The following PCDHGA4 variants were observed in gnomAD, a reference collection of about 807,000 sequenced individuals.
PCDHGA4 encodes protocadherin gamma subfamily A, 4.
A neutral mutation model predicts 54.6 loss-of-function variants in PCDHGA4; 38 were observed. The ratio of observed to expected loss-of-function variants is 0.70; its 90% CI spans 0.54 to 0.91. The LOEUF is 0.91. PCDHGA4 is among the 40% of genes least tolerant of loss of function. PCDHGA4 has a pLI of 0.00. For synonymous variants in PCDHGA4, 511 were observed against 512.9 expected, an observed-to-expected ratio of 1.00 and a Z score of 0.05; for missense variants, 1,298 against 1,220.9, an observed-to-expected ratio of 1.06 and a Z score of -0.94.
chr5:141,485,663 A>G lies in PCDHGA4; in HGVS notation c.2515-9144A>G, dbSNP rs1594506698. ...AAAGGCTCAGGATGCAGATGTGGGG[A>G]GCAATTCGATTAGCAGCTATAGGCT... On this transcript the variant is annotated intron_variant, in intron 1 of 3. Transcript: ENST00000571252. The surrounding 1 kb of genome is among the most constrained non-coding windows in gnomAD (Gnocchi z 5.7). The G allele has an allele frequency of 1.2e-6, 2 of 1,612,638 alleles. No homozygotes were observed. Among genetic ancestry groups the G allele is most frequent in the East Asian group, 4.5e-5 (2 of 44,840 alleles).
intron 1 of PCDHGA4, among the ~76,000 whole-genome samples, chr5:141,451,854 C>T (rs1243479409): frequency 6.6e-6 from 1 of 152,058 alleles, no homozygotes; most frequent in Non-Finnish European, 1.5e-5. Flanking sequence ...CCACTCCAGC[C>T]TAGGCCACAG....
At chr5:141,404,692 C>G (rs543452623) in intron 1 of PCDHGA4, 2 of 1,614,080 alleles carry the variant, frequency 1.2e-6, no homozygotes, top group South Asian at 2.2e-5. Context: ...TGGCACCCCG[C>G]TCTGCAGAGC....
intron 1 of PCDHGA4, chr5:141,421,710 A>G (rs781498853): frequency 1.2e-6 from 2 of 1,613,940 alleles, no homozygotes; most frequent in South Asian, 2.2e-5. Flanking sequence ...CTAGGGATCC[A>G]GATGTGGGCG....
At chr5:141,482,530 C>CAAAAAAAAAAAAAAA (rs3074545) in intron 1 of PCDHGA4, among the ~76,000 whole-genome samples, 1 of 76,562 alleles carries the variant, frequency 1.3e-5, no homozygotes, top group African/African-American at 4.8e-5. Flanking sequence ...GACAGACATG[C>CAAAAAAAAAAAAAAA]AAAAAAAAAA....
intron 1 of PCDHGA4, among the ~76,000 whole-genome samples, chr5:141,450,424 CTTTAA>C (rs2098679800): frequency 1.3e-5 from 2 of 152,146 alleles, no homozygotes; most frequent in East Asian, 3.9e-4. Context: ...TGTATAATGC[CTTTAA>C]TTTATATTTG....
chr5:141,490,891 C>A lies in PCDHGA4; in HGVS notation c.2515-3916C>A, dbSNP rs1462296497. The A allele has an allele frequency of 6.2e-7, 1 of 1,613,204 alleles. No homozygotes were observed. Among genetic ancestry groups the A allele is most frequent in the Non-Finnish European group, 8.5e-7 (1 of 1,179,262 alleles). On this transcript the variant is annotated intron_variant, in intron 1 of 3. Transcript: ENST00000571252. This position sits in a 1 kb window ranked among gnomAD's most constrained non-coding sequence, Gnocchi z 5.4. ...CCCATTGCATGCCAACACATCTCTGCATGTGTTTGTCCTAGACGAGAATGA... is the reference window on the plus strand; with the variant it reads ...CCCATTGCATGCCAACACATCTCTGAATGTGTTTGTCCTAGACGAGAATGA...
rs753202774 is a variant in PCDHGA4, at chr5:141,487,875, C to A, written c.2515-6932C>A. 33 of 828,628 alleles carry A rather than the reference C, an allele frequency of 4.0e-5. No individual in the cohort carries two copies. Among genetic ancestry groups the A allele is most frequent in the Non-Finnish European group, 5.8e-5 (31 of 536,030 alleles). The allele number at this position is 828,628 out of a possible 1,614,324, so 51.3% of individuals were successfully genotyped here. A position where few individuals can be genotyped will look rare whatever the true frequency, so the allele number is the denominator to read the frequency against. The stretch of plus-strand genomic sequence containing the variant: ...AAGTAATTGGTGATCAAGAGCCAGG[C>A]TGTTGTGGAAGCATGATGATGGAAT... On this transcript the variant is annotated intron_variant, in intron 1 of 3. Coordinates refer to ENST00000571252, the MANE Select transcript of PCDHGA4 (RefSeq NM_018917.4). The surrounding 1 kb of genome is among the most constrained non-coding windows in gnomAD (Gnocchi z 5.0).
chr5:141,375,429 C>T (rs1049627462), intron 1 of PCDHGA4: 1 of 1,613,840 alleles, frequency 6.2e-7, no homozygotes, highest in African/African-American at 1.3e-5. Context: ...AACGACAACC[C>T]GCCCACCTTC....
chr5:141,500,491 G>A (rs1595677531), intron 2 of PCDHGA4, among the ~76,000 whole-genome samples: 1 of 152,156 alleles, frequency 6.6e-6, no homozygotes, highest in East Asian at 1.9e-4. Context: ...TTACAGGCGT[G>A]AGCCACCGCG....
intron 1 of PCDHGA4, chr5:141,375,404 A>T: frequency 1.2e-6 from 2 of 1,613,912 alleles, no homozygotes; most frequent in South Asian, 1.1e-5. Flanking sequence ...CATCTCTCTA[A>T]ATGTGGCAGA....
At chr5:141,478,127 C>A (rs1323163663) in intron 1 of PCDHGA4, 1 of 1,614,106 alleles carries the variant, frequency 6.2e-7, no homozygotes, top group South Asian at 1.1e-5. Flanking sequence ...CGAGGACTCT[C>A]CTGAAGCCCG....
Position 141,511,410 on chromosome 5 carries a change from T to TA in PCDHGA4, c.*238dup. On this transcript the variant is annotated 3_prime_UTR_variant, in exon 4 of 4. Coordinates refer to ENST00000571252, the MANE Select transcript of PCDHGA4 (RefSeq NM_018917.4). ...GGAACCCCCATCCAATCAACTGCTG[T>TA]ACCCATGGGGGTAGTGGGGTTACTG... The TA allele has an allele frequency of 1.1e-6, 1 of 908,822 alleles. No homozygotes were observed. The highest frequency in any genetic ancestry group is 1.6e-6 in the Non-Finnish European group (1 of 624,204). 56.3% of individuals were successfully genotyped at this position (908,822 alleles called of 1,614,324 possible).
chr5:141,372,357 T>C (rs756040915), intron 1 of PCDHGA4: 19 of 1,613,806 alleles, frequency 1.2e-5, no homozygotes, highest in Non-Finnish European at 1.4e-5. Context: ...GCAGCCTCTT[T>C]CAGCCACCGT....
chr5:141,375,608 T>G (rs1771640619), intron 1 of PCDHGA4: 1 of 1,614,000 alleles, frequency 6.2e-7, no homozygotes, highest in South Asian at 1.1e-5. Context: ...GTCCATCAAC[T>G]CCGACACTGG....
chr5:141,466,195 C>G (rs1269214888), intron 1 of PCDHGA4, among the ~76,000 whole-genome samples: 1 of 151,748 alleles, frequency 6.6e-6, no homozygotes, highest in Non-Finnish European at 1.5e-5. Flanking sequence ...TTTTCAGACA[C>G]AGCCTTGCTC....
chr5:141,380,612 A>G (rs1163500028), intron 1 of PCDHGA4, among the ~76,000 whole-genome samples: 1 of 152,204 alleles, frequency 6.6e-6, no homozygotes, highest in African/African-American at 2.4e-5. Context: ...TAATTTTATG[A>G]TGTTCGATAA....
At chr5:141,405,491 C>T (rs1399017717) in intron 1 of PCDHGA4, 1 of 858,762 alleles carries the variant, frequency 1.2e-6, no homozygotes, top group East Asian at 2.7e-5. Flanking sequence ...GTGATCTCGG[C>T]TCATTGCAAC....
intron 1 of PCDHGA4, among the ~76,000 whole-genome samples, chr5:141,457,822 C>A (rs1477393535): frequency 6.6e-6 from 1 of 152,178 alleles, no homozygotes; most frequent in Non-Finnish European, 1.5e-5. Context: ...AAGATAAACT[C>A]AGAGCTTCCA....
intron 1 of PCDHGA4, chr5:141,414,738 C>A: frequency 6.2e-7 from 1 of 1,614,238 alleles, no homozygotes; most frequent in Non-Finnish European, 8.5e-7. Context: ...TGTATGCACT[C>A]AGATCCTTCG....
Sources: gnomAD v4.1 joint callset for allele counts (sites outside exome capture counted in the v4.1 genomes callset) on GRCh38, gnomAD v4.1.1 for gene constraint, Gnocchi (gnomAD v3.1) non-coding constraint, MANE v1.5 for transcripts, NCBI Gene and HGNC (gene_info 2026-07-23, HGNC 2026-07-21) for gene names.